XKR6: variants seen among roughly 807,000 people sequenced by gnomAD.
The protein encoded by XKR6 is XK related 6, also known as XK-related protein 6.
XKR6 carries 22 observed loss-of-function variants against 56.7 expected under a neutral mutation model. The ratio of observed to expected loss-of-function variants is 0.39; its 90% confidence interval spans 0.28 to 0.55. The LOEUF (loss-of-function observed/expected upper bound fraction) is 0.55. Ranked by LOEUF, XKR6 falls within the 20% of genes least tolerant of loss-of-function variation. The pLI is 0.66. For missense variants in XKR6, 852 were observed against 889.0 expected, an observed-to-expected ratio of 0.96 and a Z score of 0.53; for synonymous variants, 524 against 387.8, an observed-to-expected ratio of 1.35 and a Z score of -4.13.
intron 1 of XKR6, among the ~76,000 whole-genome samples, chr8:11,125,324 C>G (rs1032300586): frequency 1.3e-5 from 2 of 152,052 alleles, no homozygotes; most frequent in Admixed American, 6.5e-5. Flanking sequence ...ACCCTAGAAC[C>G]CCGCACAATT....
intron 1 of XKR6, among the ~76,000 whole-genome samples, chr8:11,116,575 T>C (rs1169996628): frequency 7.2e-5 from 11 of 152,182 alleles, no homozygotes; most frequent in Admixed American, 5.2e-4. Context: ...TTCTCCATGT[T>C]GGCCAGGCTG....
At chr8:10,954,417 T>C (rs567968228) in intron 1 of XKR6, among the ~76,000 whole-genome samples, 60 of 152,350 alleles carry the variant, frequency 3.9e-4, no homozygotes, top group African/African-American at 1.4e-3. Context: ...AGATTAATGA[T>C]GTTCAGTGTC....
At chr8:11,055,893 A>T (rs115875604) in intron 1 of XKR6, among the ~76,000 whole-genome samples, 2,952 of 152,170 alleles carry the variant, frequency 0.019, 91 homozygotes, top group African/African-American at 0.068. Context: ...GTAAAACCTG[A>T]TTTCCTTCAT....
At position 10,935,280 on chromosome 8, in the gene XKR6, T is replaced by G. The variant is rs528110863; in HGVS notation, c.765-10450A>C. Among the ~76,000 whole-genome samples, 35 of 134,148 alleles carry G rather than the reference T, an allele frequency of 2.6e-4. No individual in the cohort carries two copies. The East Asian group carries it at 2.7e-3, about 10-fold the overall frequency. 88.0% of individuals were successfully genotyped at this position (134,148 alleles called of 152,430 possible). On this transcript the variant is annotated intron_variant, in intron 1 of 2. Transcript: ENST00000416569. Reference sequence around the variant, plus strand: ...TCATTTTTTATTGTGTCTATTTGATTCTTCTCTCTTTTTTTCTTTATTAGT... The same window carrying G: ...TCATTTTTTATTGTGTCTATTTGATGCTTCTCTCTTTTTTTCTTTATTAGT...
At chr8:11,153,051 TTACAATTAGAA>T (rs1208801253) in intron 1 of XKR6, among the ~76,000 whole-genome samples, 4 of 152,210 alleles carry the variant, frequency 2.6e-5, no homozygotes, top group African/African-American at 9.6e-5. Context: ...AATTTTTGAA[TTACAATTAGAA>T]TACAATTAGA....
At chr8:11,139,732 G>T (rs918792160) in intron 1 of XKR6, among the ~76,000 whole-genome samples, 1 of 152,188 alleles carries the variant, frequency 6.6e-6, no homozygotes, top group African/African-American at 2.4e-5. Context: ...CACAGCCGAA[G>T]GGGCTGTAAC....
At chr8:11,099,833 G>C (rs1414636352) in intron 1 of XKR6, among the ~76,000 whole-genome samples, 1 of 152,186 alleles carries the variant, frequency 6.6e-6, no homozygotes, top group East Asian at 1.9e-4. Context: ...GGGAGACCAT[G>C]GCAGAGGTGC....
At chr8:11,090,641 G>C (rs1419581820) in intron 1 of XKR6, among the ~76,000 whole-genome samples, 1 of 152,132 alleles carries the variant, frequency 6.6e-6, no homozygotes, top group South Asian at 2.1e-4. Flanking sequence ...TGCTAATAAG[G>C]TTGAACATCT....
At chr8:10,946,884 G>T (rs112571542) in intron 1 of XKR6, among the ~76,000 whole-genome samples, 6 of 152,140 alleles carry the variant, frequency 3.9e-5, no homozygotes, top group Admixed American at 3.3e-4. Context: ...GCTCAAGGAT[G>T]GGGGAGAGTT....
intron 1 of XKR6, among the ~76,000 whole-genome samples, chr8:10,986,102 G>C (rs1797858310): frequency 6.6e-6 from 1 of 152,212 alleles, no homozygotes; most frequent in South Asian, 2.1e-4. Flanking sequence ...ATCTACTGGA[G>C]ATATTACAAA....
intron 1 of XKR6, among the ~76,000 whole-genome samples, chr8:10,949,136 G>T (rs935367394): frequency 6.6e-6 from 1 of 152,216 alleles, no homozygotes; most frequent in Non-Finnish European, 1.5e-5. Flanking sequence ...GAGGAGCCTG[G>T]GCCCCGGGGC....
At chr8:11,141,653 C>A (rs1800703096) in intron 1 of XKR6, among the ~76,000 whole-genome samples, 1 of 152,162 alleles carries the variant, frequency 6.6e-6, no homozygotes. Flanking sequence ...TCACTGACGG[C>A]TCCACAGCTC....
At chr8:11,173,107 G>A (rs1340758080) in intron 1 of XKR6, among the ~76,000 whole-genome samples, 1 of 151,516 alleles carries the variant, frequency 6.6e-6, no homozygotes, top group Non-Finnish European at 1.5e-5. Flanking sequence ...AGGCTGAGGC[G>A]GGTGGATCAC....
At chr8:11,175,394 C>T in intron 1 of XKR6, 1 of 180,124 alleles carries the variant, frequency 5.6e-6, no homozygotes, top group South Asian at 1.4e-4. Flanking sequence ...ACCTAAGATG[C>T]ACCGTCGGAC....
chr8:11,012,525 G>A (rs758902501), intron 1 of XKR6, among the ~76,000 whole-genome samples: 1 of 152,080 alleles, frequency 6.6e-6, no homozygotes, highest in African/African-American at 2.4e-5. Context: ...ACCATCGACA[G>A]CAGTCCCTGG....
In XKR6 at chr8:10,957,622, C is replaced by A. The variant is rs373979520; in HGVS notation, c.765-32792G>T. ...AGGAAAATGAGAGGAGACTGCAGGG[C>A]AGATGGAGCTTCCGCCTGCCAAGAG... is the stretch of plus-strand genomic sequence containing the variant. On this transcript the variant is annotated intron_variant, in intron 1 of 2. Coordinates refer to ENST00000416569, the MANE Select transcript of XKR6 (RefSeq NM_173683.4). Among the ~76,000 whole-genome samples, 34 of 152,328 alleles carry A rather than the reference C, an allele frequency of 2.2e-4. No homozygotes were observed. In the East Asian group the frequency reaches 3.3e-3, roughly 15 times the overall value.
chr8:11,136,752 G>C (rs543346594), intron 1 of XKR6: 62 of 152,220 alleles, frequency 4.1e-4, no homozygotes, highest in African/African-American at 1.5e-3. Context: ...CTGAATCCTG[G>C]ATTTCCCAGA....
At chr8:11,120,303 A>G (rs1292644891) in intron 1 of XKR6, among the ~76,000 whole-genome samples, 1 of 152,206 alleles carries the variant, frequency 6.6e-6, no homozygotes, top group East Asian at 1.9e-4. Context: ...CCTCAGCCCA[A>G]AATCTCCTTA....
At chr8:11,102,040 G>A (rs1178995035) in intron 1 of XKR6, among the ~76,000 whole-genome samples, 1 of 152,204 alleles carries the variant, frequency 6.6e-6, no homozygotes. Context: ...TTTAGAAACA[G>A]CGAGGGCTTC....
Sources: gnomAD v4.1 joint callset for allele counts (sites outside exome capture counted in the v4.1 genomes callset) on GRCh38, gnomAD v4.1.1 for gene constraint, MANE v1.5 for transcripts, NCBI Gene and HGNC (gene_info 2026-07-23, HGNC 2026-07-21) for gene names.